The following CDH4 variants were observed in gnomAD, a reference collection of about 807,000 sequenced individuals.
The protein encoded by CDH4 is cadherin-4.
In CDH4, 33 loss-of-function variants were observed where a neutral mutation model predicts 86.0. That is an observed-to-expected ratio of 0.38 (90% CI 0.29 to 0.51). The LOEUF (loss-of-function observed/expected upper bound fraction) is 0.51. CDH4 is among the 20% of genes least tolerant of loss of function. The pLI is 0.86. For synonymous variants in CDH4, 555 were observed against 549.4 expected, an observed-to-expected ratio of 1.01 and a Z score of -0.14; for missense variants, 1,114 against 1,307.4, an observed-to-expected ratio of 0.85 and a Z score of 2.28.
At chr20:61,431,444 C>T (rs918116153) in intron 2 of CDH4, among the ~76,000 whole-genome samples, 1 of 150,084 alleles carries the variant, frequency 6.7e-6, no homozygotes, top group Non-Finnish European at 1.5e-5. Flanking sequence ...ACTGCAGCCT[C>T]GACCTCCCAG....
rs2086728356 is a variant in CDH4 at position 61,616,779 on chromosome 20, T to C, written c.170-126784T>C. ...TGCGTTTCTCTCCAAATGTTCTTGA[T>C]TTCAGGGCTGACCTTCCCACTCTGC... is the stretch of plus-strand genomic sequence containing the variant. On this transcript the variant is annotated intron_variant, in intron 2 of 15. Transcript: ENST00000614565. Among the ~76,000 whole-genome samples, 4 of 152,176 alleles carry C rather than the reference T, an allele frequency of 2.6e-5. No individual in the cohort carries two copies. The South Asian group carries it at 8.3e-4, about 32-fold the overall frequency.
chr20:61,646,229 T>C (rs2087059881), intron 2 of CDH4, among the ~76,000 whole-genome samples: 1 of 152,068 alleles, frequency 6.6e-6, no homozygotes, highest in South Asian at 2.1e-4. Context: ...TCACGCTGCC[T>C]GGATGTCCGT....
intron 2 of CDH4, among the ~76,000 whole-genome samples, chr20:61,345,328 A>C (rs553574265): frequency 3.9e-5 from 6 of 152,304 alleles, no homozygotes; most frequent in East Asian, 1.9e-4. Flanking sequence ...ACCTCAGACA[A>C]CACCACCCCG....
At chr20:61,899,650 A>G (rs1467587151) in intron 8 of CDH4, among the ~76,000 whole-genome samples, 4 of 152,126 alleles carry the variant, frequency 2.6e-5, no homozygotes, top group South Asian at 2.1e-4. Context: ...GATGGTCTTG[A>G]TCTCCTGACC....
chr20:61,257,087 T>A (rs986671585), intron 2 of CDH4, among the ~76,000 whole-genome samples: 2 of 152,174 alleles, frequency 1.3e-5, no homozygotes, highest in African/African-American at 4.8e-5. Context: ...GGAATCAAGT[T>A]AAACAGATAA....
intron 9 of CDH4, among the ~76,000 whole-genome samples, chr20:61,920,225 A>ATGGTGACTG (rs2054959979): frequency 7.8e-6 from 1 of 128,304 alleles, no homozygotes; most frequent in Non-Finnish European, 1.6e-5. Flanking sequence ...GCATGGTGTC[A>ATGGTGACTG]CGGTGATTGC....
intron 6 of CDH4, among the ~76,000 whole-genome samples, chr20:61,857,497 G>A (rs1426741634): frequency 6.6e-6 from 1 of 152,214 alleles, no homozygotes; most frequent in Non-Finnish European, 1.5e-5. Context: ...CGGGAGGGCC[G>A]AGGATTTTTG....
At chr20:61,469,547 G>A (rs537392947) in intron 2 of CDH4, among the ~76,000 whole-genome samples, 12 of 152,164 alleles carry the variant, frequency 7.9e-5, no homozygotes, top group Non-Finnish European at 1.0e-4. Flanking sequence ...TTTGCTGTGT[G>A]GAAGCTTTTT....
intron 2 of CDH4, among the ~76,000 whole-genome samples, chr20:61,461,416 G>A (rs1441058090): frequency 6.6e-6 from 1 of 152,180 alleles, no homozygotes; most frequent in Non-Finnish European, 1.5e-5. Flanking sequence ...CACAGCAGCA[G>A]TGAGGAGCCT....
intron 2 of CDH4, among the ~76,000 whole-genome samples, chr20:61,577,472 A>C (rs1022624431): frequency 6.6e-6 from 1 of 152,212 alleles, no homozygotes; most frequent in African/African-American, 2.4e-5. Flanking sequence ...TCTTTTGTGT[A>C]TCGAACGATG....
At chr20:61,300,956 T>C (rs543294169) in intron 2 of CDH4, among the ~76,000 whole-genome samples, 18 of 152,160 alleles carry the variant, frequency 1.2e-4, no homozygotes, top group Non-Finnish European at 2.5e-4. Flanking sequence ...CCCCTGCAGC[T>C]GGCAGCAGGG....
At chr20:61,774,655 T>G (rs907573649) in intron 4 of CDH4, among the ~76,000 whole-genome samples, 46 of 150,432 alleles carry the variant, frequency 3.1e-4, no homozygotes, top group Non-Finnish European at 7.4e-5. Context: ...CCATTAGCTA[T>G]TCTTCCTGAT....
At chr20:61,394,910 C>T (rs1419841793) in intron 2 of CDH4, among the ~76,000 whole-genome samples, 3 of 140,440 alleles carry the variant, frequency 2.1e-5, no homozygotes, top group Non-Finnish European at 4.6e-5. Context: ...ACCCCCACCC[C>T]GCCCAGCAGT....
intron 2 of CDH4, among the ~76,000 whole-genome samples, chr20:61,446,899 A>G (rs935859341): frequency 6.6e-6 from 1 of 152,186 alleles, no homozygotes; most frequent in Non-Finnish European, 1.5e-5. Context: ...TTTATATGTC[A>G]TTATTAGTGA....
intron 2 of CDH4, among the ~76,000 whole-genome samples, chr20:61,730,681 C>T (rs2088168682): frequency 6.6e-6 from 1 of 152,232 alleles, no homozygotes; most frequent in African/African-American, 2.4e-5. Context: ...CAGGCCCTGC[C>T]TGTGCTTGGA....
intron 2 of CDH4, among the ~76,000 whole-genome samples, chr20:61,259,864 A>G (rs1458031673): frequency 1.3e-5 from 2 of 152,174 alleles, no homozygotes; most frequent in Non-Finnish European, 2.9e-5. Context: ...ATAACAAGGA[A>G]CAAACTGAGC....
At chr20:61,815,259 G>A (rs924148796) in intron 4 of CDH4, among the ~76,000 whole-genome samples, 2 of 152,186 alleles carry the variant, frequency 1.3e-5, no homozygotes, top group Non-Finnish European at 2.9e-5. Context: ...ATCCAGCCAC[G>A]AAAAGCAATA....
chr20:61,414,559 A>G (rs755779060), intron 2 of CDH4, among the ~76,000 whole-genome samples: 5 of 152,160 alleles, frequency 3.3e-5, no homozygotes, highest in African/African-American at 4.8e-5. Context: ...ACATGATTCA[A>G]CTGTTCTCTG....
chr20:61,855,199 C>A (rs182464660), intron 6 of CDH4, among the ~76,000 whole-genome samples: 202 of 149,700 alleles, frequency 1.3e-3, no homozygotes, highest in Middle Eastern at 3.5e-3. Context: ...CCTTGGCCCA[C>A]CCCCAGGGCT....
Sources: gnomAD v4.1 joint callset for allele counts (sites outside exome capture counted in the v4.1 genomes callset) on GRCh38, gnomAD v4.1.1 for gene constraint, MANE v1.5 for transcripts, NCBI Gene and HGNC (gene_info 2026-07-23, HGNC 2026-07-21) for gene names.